The following TRIM71 variants were observed in gnomAD, a reference collection of about 807,000 sequenced individuals.
TRIM71 encodes E3 ubiquitin-protein ligase TRIM71.
Under a neutral mutation model 61.2 loss-of-function variants are expected in TRIM71, and 9 were observed. That is an observed-to-expected ratio of 0.15 (90% CI 0.09 to 0.26). TRIM71 has a LOEUF of 0.26. TRIM71 is among the 10% of genes least tolerant of loss of function. TRIM71 has a pLI of 1.00. For synonymous variants in TRIM71, 645 were observed against 553.2 expected (o/e 1.17, Z -2.33); for missense variants, 998 against 1,238.7 (o/e 0.81, Z 2.92).
At chr3:32,849,409 A>T (rs1350847606) in intron 1 of TRIM71, among the ~76,000 whole-genome samples, 1 of 150,660 alleles carries the variant, frequency 6.6e-6, no homozygotes, top group Non-Finnish European at 1.5e-5. Context: ...CCCAGGCTGG[A>T]ATGTAATGGT....
intron 1 of TRIM71, among the ~76,000 whole-genome samples, chr3:32,861,491 G>A (rs1359153591): frequency 1.3e-5 from 2 of 151,562 alleles, no homozygotes; most frequent in Non-Finnish European, 2.9e-5. Flanking sequence ...CAAACACCTC[G>A]GCAGGCCAAG....
chr3:32,827,620 T>C (rs953422397), intron 1 of TRIM71, among the ~76,000 whole-genome samples: 1 of 152,132 alleles, frequency 6.6e-6, no homozygotes, highest in Non-Finnish European at 1.5e-5. Flanking sequence ...GAATAGCACA[T>C]TTTGTCAACA....
chr3:32,890,248 C>T lies in TRIM71; in HGVS notation c.1156-112C>T. ...GACAGATGTCTTTTGTAGACCATCC[C>T]ACAATATGTGTTTGTCTGATGCTTC... is the stretch of plus-strand genomic sequence containing the variant. On this transcript the variant is annotated intron_variant, in intron 3 of 3. Transcript: ENST00000383763. This position sits in a 1 kb window ranked among gnomAD's most constrained non-coding sequence, Gnocchi z 6.2. 1 of 1,404,104 alleles carries T rather than the reference C, an allele frequency of 7.1e-7. No homozygotes were observed. The highest frequency in any genetic ancestry group is 9.6e-7 in the Non-Finnish European group (1 of 1,039,488). The allele number at this position is 1,404,104 out of a possible 1,614,324, so 87.0% of individuals were successfully genotyped here.
intron 1 of TRIM71, among the ~76,000 whole-genome samples, chr3:32,872,134 G>A (rs749335728): frequency 6.6e-6 from 1 of 152,130 alleles, no homozygotes; most frequent in Non-Finnish European, 1.5e-5. Context: ...TGGGTGACAA[G>A]AGCAAGACTC....
At chr3:32,820,135 G>C (rs967299604) in intron 1 of TRIM71, among the ~76,000 whole-genome samples, 9 of 152,364 alleles carry the variant, frequency 5.9e-5, no homozygotes, top group South Asian at 4.1e-4. Context: ...TCTTGACTTA[G>C]AGCGTAAGCT....
intron 1 of TRIM71, among the ~76,000 whole-genome samples, chr3:32,867,581 G>C (rs1023210688): frequency 7.2e-5 from 11 of 152,208 alleles, no homozygotes; most frequent in Admixed American, 7.2e-4. Flanking sequence ...GCCTCCCAAA[G>C]TGCTGGTATT....
chr3:32,855,989 G>C (rs1433677958), intron 1 of TRIM71, among the ~76,000 whole-genome samples: 2 of 139,964 alleles, frequency 1.4e-5, no homozygotes, highest in Non-Finnish European at 3.1e-5. Flanking sequence ...TTCTCTAATA[G>C]TTTTATTTAT....
intron 3 of TRIM71, among the ~76,000 whole-genome samples, chr3:32,888,019 AG>A (rs917173448): frequency 1.3e-4 from 20 of 152,288 alleles, no homozygotes; most frequent in African/African-American, 4.6e-4. Flanking sequence ...TTCGCTTCAC[AG>A]GGGGAAATTG....
intron 1 of TRIM71, among the ~76,000 whole-genome samples, chr3:32,870,657 A>C (rs1026333918): frequency 6.6e-5 from 10 of 151,958 alleles, no homozygotes; most frequent in African/African-American, 2.4e-4. Flanking sequence ...ATCTTTTAAA[A>C]CCTACCATTC....
intron 1 of TRIM71, among the ~76,000 whole-genome samples, chr3:32,837,287 G>A (rs1696345519): frequency 6.6e-6 from 1 of 152,156 alleles, no homozygotes; most frequent in African/African-American, 2.4e-5. Context: ...TAATATGTCT[G>A]TGCCACCACC....
chr3:32,872,835 G>A (rs960050006), intron 1 of TRIM71, among the ~76,000 whole-genome samples: 27 of 152,158 alleles, frequency 1.8e-4, no homozygotes, highest in African/African-American at 6.5e-4. Context: ...CTGCTTCCCT[G>A]CCTGTTGCAT....
intron 1 of TRIM71, among the ~76,000 whole-genome samples, chr3:32,847,041 T>C (rs1378451208): frequency 6.6e-6 from 1 of 152,068 alleles, no homozygotes; most frequent in Non-Finnish European, 1.5e-5. Flanking sequence ...GGAAGTTCTG[T>C]TTTTGTTTTG....
At position 32,892,576 on chromosome 3, in the gene TRIM71, T is replaced by G. The variant is rs1697038738; in HGVS notation, c.*765T>G. ...AATCTTTGTTTCTTTTAAGGGAGGG[T>G]GTGTGCATGTTTGTTTCAAAGCCAT... On this transcript the variant is annotated 3_prime_UTR_variant, in exon 4 of 4. Transcript: ENST00000383763. 6.6e-6 allele frequency: 1 copy of G among 152,008 alleles called. No individual in the cohort carries two copies. Among genetic ancestry groups the G allele is most frequent in the Admixed American group, 6.6e-5 (1 of 15,252 alleles). The allele number at this position is 152,008 out of a possible 1,614,324, so 9.4% of individuals were successfully genotyped here.
chr3:32,852,739 T>C (rs893879613), intron 1 of TRIM71, among the ~76,000 whole-genome samples: 13 of 146,988 alleles, frequency 8.8e-5, no homozygotes, highest in African/African-American at 3.1e-4. Flanking sequence ...GAGGAAGGTT[T>C]ATATTTGTAT....
At chr3:32,855,638 A>ACATGT (rs1696592141) in intron 1 of TRIM71, among the ~76,000 whole-genome samples, 1 of 152,170 alleles carries the variant, frequency 6.6e-6, no homozygotes, top group African/African-American at 2.4e-5. Flanking sequence ...CCCTAGAGGG[A>ACATGT]CATGTCCCAG....
intron 1 of TRIM71, among the ~76,000 whole-genome samples, chr3:32,857,102 G>A (rs1696614655): frequency 6.6e-6 from 1 of 152,100 alleles, no homozygotes; most frequent in Non-Finnish European, 1.5e-5. Context: ...ACTAACCTCT[G>A]GCCCCTCAAG....
intron 1 of TRIM71, among the ~76,000 whole-genome samples, chr3:32,845,718 CTTT>C (rs67054324): frequency 6.8e-6 from 1 of 146,092 alleles, no homozygotes. Flanking sequence ...AAGTTTGGAT[CTTT>C]TTTTTTTTTT....
intron 1 of TRIM71, among the ~76,000 whole-genome samples, chr3:32,843,661 C>T (rs1020182376): frequency 6.6e-6 from 1 of 152,190 alleles, no homozygotes. Flanking sequence ...GGGAAGCAGG[C>T]TTAATGCCCG....
intron 1 of TRIM71, among the ~76,000 whole-genome samples, chr3:32,865,791 G>GC (rs751562183): frequency 1.8e-4 from 9 of 50,348 alleles, no homozygotes; most frequent in Non-Finnish European, 1.9e-4. Flanking sequence ...GCCGCCCGCC[G>GC]GCCCCCCCCC....
Sources: gnomAD v4.1 joint callset for allele counts (sites outside exome capture counted in the v4.1 genomes callset) on GRCh38, gnomAD v4.1.1 for gene constraint, Gnocchi (gnomAD v3.1) non-coding constraint, MANE v1.5 for transcripts, NCBI Gene and HGNC (gene_info 2026-07-23, HGNC 2026-07-21) for gene names.